Variants in SLC8A1 observed in about 807,000 individuals in gnomAD.
SLC8A1 encodes solute carrier family 8 member A1.
Under a neutral mutation model 68.3 loss-of-function variants are expected in SLC8A1, and 18 were observed. The ratio of observed to expected loss-of-function variants is 0.26; its 90% CI spans 0.18 to 0.39. The LOEUF (loss-of-function observed/expected upper bound fraction) is 0.39, where lower values mean the gene tolerates loss of function less well. SLC8A1 is among the 10% of genes least tolerant of loss of function. SLC8A1 has a pLI of 1.00. For missense variants in SLC8A1, 985 were observed against 1,156.7 expected (o/e 0.85, Z 2.15); for synonymous variants, 475 against 415.5 (o/e 1.14, Z -1.74).
intron 2 of SLC8A1, among the ~76,000 whole-genome samples, chr2:40,189,553 T>C (rs919046463): frequency 1.3e-5 from 2 of 152,056 alleles, no homozygotes; most frequent in African/African-American, 4.8e-5. Context: ...ACTCAGGTAA[T>C]ACCACCCACC....
At chr2:40,149,707 G>A (rs1021599756) in intron 6 of SLC8A1, among the ~76,000 whole-genome samples, 1 of 152,192 alleles carries the variant, frequency 6.6e-6, no homozygotes, top group Non-Finnish European at 1.5e-5. Flanking sequence ...ATGGGTTCAT[G>A]AGTAGCTACT....
chr2:40,128,928 GAA>G (rs1314290341), intron 7 of SLC8A1, among the ~76,000 whole-genome samples: 6 of 152,162 alleles, frequency 3.9e-5, no homozygotes, highest in Non-Finnish European at 8.8e-5. Context: ...GAAAAATAGA[GAA>G]AAGTCAAACC....
At chr2:40,328,162 G>T (rs542807327) in intron 2 of SLC8A1, among the ~76,000 whole-genome samples, 1 of 152,218 alleles carries the variant, frequency 6.6e-6, no homozygotes, top group East Asian at 1.9e-4. Flanking sequence ...TATTCAGGTC[G>T]ATAAATAGAG....
rs563163874 is a variant in SLC8A1 at position 40,224,909 on chromosome 2, T to C, written c.1809-47054A>G. ...CAGAAACTTATTACCAGGCTTGAGA[T>C]GTGCTTAATTTTTACAACTCCTGAA... On this transcript the variant is annotated intron_variant, in intron 2 of 7. Coordinates refer to ENST00000406785, the Ensembl canonical transcript of SLC8A1. 5.9e-5 allele frequency among the ~76,000 whole-genome samples: 9 copies of C among 152,252 alleles called. No individual in the cohort carries two copies. In the East Asian group the frequency reaches 1.7e-3, roughly 29 times the overall value.
intron 2 of SLC8A1, among the ~76,000 whole-genome samples, chr2:40,389,642 CATTCCCATGTTACTGCCTTTCCA>C (rs1684661330): frequency 6.6e-6 from 1 of 151,936 alleles, no homozygotes; most frequent in Non-Finnish European, 1.5e-5. Flanking sequence ...AAATTACCCC[CATTCCCATGTTACTGCCTTTCCA>C]ATTCCCATGT....
intron 2 of SLC8A1, among the ~76,000 whole-genome samples, chr2:40,214,680 C>T (rs1169276786): frequency 3.9e-5 from 6 of 151,978 alleles, no homozygotes; most frequent in South Asian, 4.2e-4. Context: ...CTTCCTGATC[C>T]GCCTGCCTTG....
At chr2:40,253,831 C>CAAAAA (rs61434245) in intron 2 of SLC8A1, among the ~76,000 whole-genome samples, 21 of 59,816 alleles carry the variant, frequency 3.5e-4, no homozygotes, top group African/African-American at 1.3e-3. Flanking sequence ...TGTCTGTCTC[C>CAAAAA]AAAAAAAAAA....
chr2:40,192,531 A>G (rs1184497809), intron 2 of SLC8A1, among the ~76,000 whole-genome samples: 1 of 152,148 alleles, frequency 6.6e-6, no homozygotes, highest in East Asian at 1.9e-4. Flanking sequence ...TAACTTACAT[A>G]GAATACTAAC....
intron 2 of SLC8A1, among the ~76,000 whole-genome samples, chr2:40,252,821 T>TTTGGCTCAA (rs1558963444): frequency 1.8e-5 from 2 of 112,976 alleles, no homozygotes; most frequent in African/African-American, 7.9e-5. Context: ...TATACATATA[T>TTTGGCTCAA]ATGTATATAC....
At chr2:40,495,423 C>A (rs1705628407) in intron 1 of SLC8A1, among the ~76,000 whole-genome samples, 1 of 152,032 alleles carries the variant, frequency 6.6e-6, no homozygotes, top group South Asian at 2.1e-4. Context: ...TCAGGACAAA[C>A]TCTTAGAGTG....
At chr2:40,190,123 C>T (rs1220266366) in intron 2 of SLC8A1, among the ~76,000 whole-genome samples, 1 of 152,198 alleles carries the variant, frequency 6.6e-6, no homozygotes, top group African/African-American at 2.4e-5. Context: ...ACAAAAAATT[C>T]TTCATGCTAA....
rs146545126 is a variant in SLC8A1, at chr2:40,318,635, T to C, written c.1808+109838A>G. Reference sequence around the variant, plus strand: ...TGGAGTATAGTGCCCCCTATAAATGTAGACCGTTGCTGTCTAAGTAGAACC... The same window carrying C: ...TGGAGTATAGTGCCCCCTATAAATGCAGACCGTTGCTGTCTAAGTAGAACC... On this transcript the variant is annotated intron_variant, in intron 2 of 7. Coordinates refer to ENST00000406785, the Ensembl canonical transcript of SLC8A1. 9.9e-5 allele frequency among the ~76,000 whole-genome samples: 15 copies of C among 152,188 alleles called. No homozygotes were observed. In the East Asian group the frequency reaches 2.7e-3, roughly 28 times the overall value.
intron 2 of SLC8A1, among the ~76,000 whole-genome samples, chr2:40,194,071 C>T (rs560581128): frequency 5.9e-5 from 9 of 152,182 alleles, no homozygotes; most frequent in African/African-American, 1.2e-4. Context: ...TAGTAAAATA[C>T]GAATTCTGCT....
At chr2:40,113,981 AT>A (rs1024494530) in exon 8 of SLC8A1, 9 of 152,728 alleles carry the variant, frequency 5.9e-5, no homozygotes, top group Admixed American at 5.2e-4. Context: ...ACAATAATCC[AT>A]TTTCTCCTTT....
At chr2:40,179,891 G>C (rs1035586732) in intron 2 of SLC8A1, among the ~76,000 whole-genome samples, 20 of 152,104 alleles carry the variant, frequency 1.3e-4, no homozygotes, top group Admixed American at 1.1e-3. Flanking sequence ...TTTTGGCTTA[G>C]CATTGTAGAC....
chr2:40,488,367 G>T (rs1375846917), intron 1 of SLC8A1, among the ~76,000 whole-genome samples: 1 of 152,012 alleles, frequency 6.6e-6, no homozygotes, highest in Admixed American at 6.6e-5. Context: ...GGAGATTCAG[G>T]CCCATTCGTA....
intron 2 of SLC8A1, among the ~76,000 whole-genome samples, chr2:40,233,423 G>A (rs1574443270): frequency 6.7e-6 from 1 of 149,194 alleles, no homozygotes; most frequent in Non-Finnish European, 1.5e-5. Context: ...CATGTCCTTT[G>A]CCCACTTTTT....
intron 2 of SLC8A1, among the ~76,000 whole-genome samples, chr2:40,351,798 AGATG>A (rs1167627442): frequency 1.3e-5 from 2 of 152,166 alleles, no homozygotes; most frequent in African/African-American, 4.8e-5. Flanking sequence ...GAGGTTGTAG[AGATG>A]GTAGGAATGA....
chr2:40,399,328 C>A (rs947989395), intron 2 of SLC8A1, among the ~76,000 whole-genome samples: 1 of 152,056 alleles, frequency 6.6e-6, no homozygotes, highest in South Asian at 2.1e-4. Context: ...CCCTACCCCT[C>A]GTCTCCCCTT....
Sources: allele counts gnomAD v4.1 joint callset (sites outside exome capture counted in the v4.1 genomes callset), GRCh38; gene constraint gnomAD v4.1.1; transcripts MANE v1.5; gene names NCBI Gene and HGNC (gene_info 2026-07-23, HGNC 2026-07-21).